Variants in NEGR1 observed in about 807,000 individuals in gnomAD.
NEGR1 encodes the protein IgLON family member 4.
NEGR1 carries 10 observed loss-of-function variants against 40.9 expected under a neutral mutation model. The ratio of observed to expected loss-of-function variants is 0.24; its 90% CI spans 0.15 to 0.42. The LOEUF is 0.42. Among genes scored for constraint, NEGR1 ranks in the 10% least tolerant of loss-of-function variants. NEGR1 has a pLI of 1.00. For missense variants in NEGR1, 352 were observed against 438.9 expected (o/e 0.80, Z 1.77); for synonymous variants, 185 against 166.8 (o/e 1.11, Z -0.84).
At chr1:71,683,259 T>A (rs1445351013) in intron 4 of NEGR1, among the ~76,000 whole-genome samples, 1 of 152,122 alleles carries the variant, frequency 6.6e-6, no homozygotes, top group Admixed American at 6.6e-5. Flanking sequence ...CTTTGTTTAA[T>A]GTGAAGGGAT....
At position 71,928,477 on chromosome 1, in the gene NEGR1, CAT is replaced by C. The variant is rs1364512627; in HGVS notation, c.409+6600_409+6601del. ...ATATACACACATACTTATATATACA[CAT>C]ATATATGTATATATACACATATGTA... On this transcript the variant is annotated intron_variant, in intron 2 of 6. Coordinates refer to ENST00000357731, the MANE Select transcript of NEGR1 (RefSeq NM_173808.3). Among the ~76,000 whole-genome samples, 601 of 114,358 alleles carry C rather than the reference CAT, an allele frequency of 5.3e-3. 37 individuals carry two copies. Among genetic ancestry groups the C allele is most frequent in the Non-Finnish European group, 6.5e-3 (347 of 53,152 alleles). 75.0% of individuals were successfully genotyped at this position (114,358 alleles called of 152,430 possible).
rs189303915 is a variant in NEGR1, at chr1:71,396,934, C to T, written c.*10512G>A. 2 of 154,154 alleles carry T rather than the reference C, an allele frequency of 1.3e-5. No homozygotes were observed. The highest frequency in any genetic ancestry group is 2.9e-5 in the Non-Finnish European group (2 of 69,818). 9.5% of individuals were successfully genotyped at this position (154,154 alleles called of 1,614,324 possible). ...GGAGTGGAGTGCTGCTGAAAAGATA[C>T]CTGAAAATGTGGAAGTGACTTTGGA... is the stretch of plus-strand genomic sequence containing the variant. On this transcript the variant is annotated 3_prime_UTR_variant, in exon 7 of 7. Coordinates refer to ENST00000357731, the MANE Select transcript of NEGR1 (RefSeq NM_173808.3).
intron 2 of NEGR1, among the ~76,000 whole-genome samples, chr1:71,859,630 G>A (rs936131218): frequency 2.0e-5 from 3 of 151,966 alleles, no homozygotes; most frequent in African/African-American, 7.2e-5. Context: ...GCAAGCAGTA[G>A]GGTAGATTCG....
At position 72,268,319 on chromosome 1, in the gene NEGR1, G is replaced by T. The variant is rs116520641; in HGVS notation, c.176+14000C>A. ...TATTATAGTGTTCACAATAAGTATG[G>T]GAGTAGCTCTCAGTATTTCCATTTT... On this transcript the variant is annotated intron_variant, in intron 1 of 6. Coordinates refer to ENST00000357731, the MANE Select transcript of NEGR1 (RefSeq NM_173808.3). Among the ~76,000 whole-genome samples the T allele has an allele frequency of 9.4e-3, 1,424 of 151,526 alleles. 31 individuals are homozygous for T. The highest frequency in any genetic ancestry group is 0.033 in the African/African-American group (1,361 of 41,458).
At chr1:71,500,894 A>G (rs973146913) in intron 6 of NEGR1, among the ~76,000 whole-genome samples, 1 of 151,964 alleles carries the variant, frequency 6.6e-6, no homozygotes, top group Non-Finnish European at 1.5e-5. Context: ...ATTATAATTT[A>G]TGTTTTGTTA....
At chr1:71,465,151 T>G (rs1482990751) in intron 6 of NEGR1, among the ~76,000 whole-genome samples, 1 of 152,122 alleles carries the variant, frequency 6.6e-6, no homozygotes, top group East Asian at 1.9e-4. Context: ...AGAATTATAG[T>G]ATACAGAATG....
At chr1:71,700,332 C>A (rs1007541954) in intron 3 of NEGR1, among the ~76,000 whole-genome samples, 19 of 151,888 alleles carry the variant, frequency 1.3e-4, no homozygotes, top group African/African-American at 3.9e-4. Flanking sequence ...AACTTAAAAA[C>A]CTACATGCCT....
chr1:72,228,915 A>T (rs1021904126), intron 1 of NEGR1, among the ~76,000 whole-genome samples: 2 of 152,150 alleles, frequency 1.3e-5, no homozygotes, highest in Non-Finnish European at 2.9e-5. Context: ...TTTCCTAGGA[A>T]TACTGCTATC....
Position 71,771,699 on chromosome 1 carries a change from CAAAAAAAA to C in NEGR1, c.535+4465_535+4472del, listed in dbSNP as rs60830449. Among the ~76,000 whole-genome samples the C allele has an allele frequency of 2.5e-4, 3 of 12,090 alleles. No individual in the cohort carries two copies. The Admixed American group carries it at 5.6e-3, about 23-fold the overall frequency. 7.9% of individuals were successfully genotyped at this position (12,090 alleles called of 152,430 possible). A position where few individuals can be genotyped will look rare whatever the true frequency, so the allele number is the denominator to read the frequency against. On this transcript the variant is annotated intron_variant, in intron 3 of 6. Coordinates refer to ENST00000357731, the MANE Select transcript of NEGR1 (RefSeq NM_173808.3). ...GGGTAACAAAAGCAAGACTTAGTCTCAAAAAAAAAAAAAAAAAAAAAAAGGTGTGAATC... is the reference window on the plus strand; with the variant it reads ...GGGTAACAAAAGCAAGACTTAGTCTCAAAAAAAAAAAAAAAGGTGTGAATC...
chr1:71,622,975 T>C (rs972798296), intron 4 of NEGR1, among the ~76,000 whole-genome samples: 1 of 151,852 alleles, frequency 6.6e-6, no homozygotes, highest in African/African-American at 2.4e-5. Context: ...TACTATGGCC[T>C]TCAAAAATCT....
At chr1:72,172,970 G>A (rs565825968) in intron 1 of NEGR1, among the ~76,000 whole-genome samples, 47 of 151,838 alleles carry the variant, frequency 3.1e-4, no homozygotes, top group East Asian at 9.7e-4. Context: ...GAGAATTCAC[G>A]GACCATCCCA....
At position 71,928,093 on chromosome 1, in the gene NEGR1, CACACATATGTATATAT is replaced by C. The variant is rs1457296738; in HGVS notation, c.409+6970_409+6985del. On this transcript the variant is annotated intron_variant, in intron 2 of 6. Coordinates refer to ENST00000357731, the MANE Select transcript of NEGR1 (RefSeq NM_173808.3). ...ACATATGTACATATATGTATATATACACACATATGTATATATACACATATGTATATATACACACATA... is the reference window on the plus strand; with the variant it reads ...ACATATGTACATATATGTATATATACACACATATGTATATATACACACATA... Among the ~76,000 whole-genome samples, 4 of 119,034 alleles carry C rather than the reference CACACATATGTATATAT, an allele frequency of 3.4e-5. 1 individual carries two copies. Among genetic ancestry groups the C allele is most frequent in the African/African-American group, 1.3e-4 (4 of 30,748 alleles). 78.1% of individuals were successfully genotyped at this position (119,034 alleles called of 152,430 possible).
intron 1 of NEGR1, among the ~76,000 whole-genome samples, chr1:72,079,820 T>G (rs113596362): frequency 0.015 from 2,331 of 152,192 alleles, 56 homozygotes; most frequent in African/African-American, 0.053. Context: ...TAGTTTCAAG[T>G]GAAAAATGTT....
At chr1:71,802,688 T>G (rs952801230) in intron 2 of NEGR1, among the ~76,000 whole-genome samples, 1 of 152,130 alleles carries the variant, frequency 6.6e-6, no homozygotes, top group East Asian at 1.9e-4. Flanking sequence ...AGCCTTAAGA[T>G]CTAATAAAAT....
chr1:72,214,971 A>C (rs1208392109), intron 1 of NEGR1, among the ~76,000 whole-genome samples: 1 of 152,094 alleles, frequency 6.6e-6, no homozygotes, highest in Non-Finnish European at 1.5e-5. Flanking sequence ...TTCAAACTAC[A>C]ATGTTACAGT....
intron 6 of NEGR1, chr1:71,476,730 CATATTAATACTGGGACTACATGTTAT>C (rs1312895641): frequency 3.9e-5 from 6 of 152,080 alleles, no homozygotes; most frequent in African/African-American, 7.2e-5. Context: ...AATGTTGTTA[CATATTAATACTGGGACTACATGTTAT>C]ATATTAATAC....
chr1:71,538,719 A>G (rs1647589961), intron 6 of NEGR1, among the ~76,000 whole-genome samples: 1 of 151,742 alleles, frequency 6.6e-6, no homozygotes, highest in Non-Finnish European at 1.5e-5. Flanking sequence ...GGCTTCGTGC[A>G]TGGAGTACAA....
chr1:71,888,364 C>T (rs918986644), intron 2 of NEGR1, among the ~76,000 whole-genome samples: 44 of 152,082 alleles, frequency 2.9e-4, no homozygotes, highest in Non-Finnish European at 1.8e-4. Flanking sequence ...GTGCGCCCAC[C>T]GTGCGCGAGC....
intron 6 of NEGR1, among the ~76,000 whole-genome samples, chr1:71,442,337 G>A (rs562900082): frequency 2.6e-4 from 40 of 151,324 alleles, no homozygotes; most frequent in Non-Finnish European, 3.7e-4. Flanking sequence ...ATTTTCAGCC[G>A]GGTGCGGTGG....
Sources: gnomAD v4.1 joint callset for allele counts (sites outside exome capture counted in the v4.1 genomes callset) on GRCh38, gnomAD v4.1.1 for gene constraint, MANE v1.5 for transcripts, NCBI Gene and HGNC (gene_info 2026-07-23, HGNC 2026-07-21) for gene names.